The following CACNA1D variants were observed in gnomAD, a reference collection of about 807,000 sequenced individuals.
CACNA1D encodes calcium voltage-gated channel subunit alpha1 D, also known as voltage-dependent L-type calcium channel subunit alpha-1D.
A neutral mutation model predicts 257.1 loss-of-function variants in CACNA1D; 55 were observed. That is an observed-to-expected ratio of 0.21 (90% CI 0.17 to 0.27). The LOEUF is 0.27. Among genes scored for constraint, CACNA1D ranks in the 10% least tolerant of loss-of-function variants. The pLI is 1.00. For missense variants in CACNA1D, 1,876 were observed against 2,784.0 expected, an observed-to-expected ratio of 0.67 and a Z score of 7.34; for synonymous variants, 980 against 1,014.9, an observed-to-expected ratio of 0.97 and a Z score of 0.65.
chr3:53,649,504 AT>A (rs1461897144), intron 3 of CACNA1D, among the ~76,000 whole-genome samples: 1 of 152,034 alleles, frequency 6.6e-6, no homozygotes, highest in African/African-American at 2.4e-5. Flanking sequence ...CTGTGTGTAC[AT>A]TCAAAACTTC....
At position 53,723,854 on chromosome 3, in the gene CACNA1D, C is replaced by G. The variant is rs777591848; in HGVS notation, c.1955C>G (p.Ser652Trp). The G allele has an allele frequency of 2.5e-6, 4 of 1,614,050 alleles. No homozygotes were observed. ...TTAAACTCCATGAAGTCCATCGCTT[C>G]GCTGTTGCTTCTGCTTTTTCTCTTC... ...SLLNSMKSIA[S>W]LLLLLFLFII... The change falls in exon 14 of 48, where the codon TCG becomes TGG. Residue 652 changes from serine (S) to tryptophan (W), a missense_variant. Around this residue, in one of 10 missense-constraint regions of CACNA1D, gnomAD observed 257 missense variants for 399.7 expected, o/e 0.64. Transcript: ENST00000350061. This position sits in a 1 kb window ranked among gnomAD's most constrained non-coding sequence, Gnocchi z 5.6.
chr3:53,678,043 C>T (rs567226035), intron 8 of CACNA1D, among the ~76,000 whole-genome samples: 10 of 152,136 alleles, frequency 6.6e-5, no homozygotes, highest in African/African-American at 2.4e-4. Context: ...AGAAAAGAAT[C>T]GAATCAATTC....
At chr3:53,513,032 C>T (rs994413323) in intron 3 of CACNA1D, among the ~76,000 whole-genome samples, 7 of 152,326 alleles carry the variant, frequency 4.6e-5, no homozygotes, top group Middle Eastern at 3.4e-3. Context: ...AGGAGAGAAT[C>T]AGCAGAGCTG....
At chr3:53,700,398 A>C (rs2094611901) in intron 8 of CACNA1D, among the ~76,000 whole-genome samples, 1 of 152,164 alleles carries the variant, frequency 6.6e-6, no homozygotes, top group African/African-American at 2.4e-5. Flanking sequence ...CAGATTATAT[A>C]ATTCATTTTC....
intron 3 of CACNA1D, among the ~76,000 whole-genome samples, chr3:53,630,963 C>T (rs1036660976): frequency 2.0e-5 from 3 of 152,178 alleles, no homozygotes; most frequent in Non-Finnish European, 4.4e-5. Context: ...ATTAAAAATA[C>T]TTTATTACTA....
chr3:53,541,042 G>A (rs188148940), intron 3 of CACNA1D, among the ~76,000 whole-genome samples: 28 of 152,054 alleles, frequency 1.8e-4, no homozygotes, highest in African/African-American at 6.0e-4. Flanking sequence ...GTGCGCGGCC[G>A]GCATGGTATT....
chr3:53,619,267 T>A (rs1242612889), intron 3 of CACNA1D, among the ~76,000 whole-genome samples: 1 of 152,192 alleles, frequency 6.6e-6, no homozygotes, highest in Non-Finnish European at 1.5e-5. Context: ...TTCTCATGCC[T>A]CCTGTCTCCT....
chr3:53,802,054 T>G, intron 42 of CACNA1D, 93 bp from the exon 43 acceptor site: 1 of 1,120,850 alleles, frequency 8.9e-7, no homozygotes, highest in South Asian at 1.2e-5. Flanking sequence ...TAACCCCTAC[T>G]CTAGGAGGTA....
rs568967070 is a variant in CACNA1D at position 53,689,765 on chromosome 3, C to A, written c.1221-12876C>A. Among the ~76,000 whole-genome samples the A allele has an allele frequency of 3.3e-5, 5 of 152,234 alleles. No individual in the cohort carries two copies. The South Asian group carries it at 1.0e-3, about 32-fold the overall frequency. ...CCTCAAATTTCTGGGCTCAAGCAATCCTCCCACTTCACCCTCCCAAGTAGC... is the reference window on the plus strand; with the variant it reads ...CCTCAAATTTCTGGGCTCAAGCAATACTCCCACTTCACCCTCCCAAGTAGC... On this transcript the variant is annotated intron_variant, in intron 8 of 47. Transcript: ENST00000350061.
chr3:53,536,531 G>T (rs1237373747), intron 3 of CACNA1D, among the ~76,000 whole-genome samples: 1 of 152,212 alleles, frequency 6.6e-6, no homozygotes, highest in East Asian at 1.9e-4. Context: ...CCAAACTAGG[G>T]GATCCAAGTG....
Position 53,749,521 on chromosome 3 carries a change from C to T in CACNA1D, c.3516+52C>T, listed in dbSNP as rs1382730329. ...CTGTCCCTTGGTCAGGAGCGGAGTGCCTTCTTTATTGACTGATTTCCCCCA... is the reference window on the plus strand; with the variant it reads ...CTGTCCCTTGGTCAGGAGCGGAGTGTCTTCTTTATTGACTGATTTCCCCCA... On this transcript the variant is annotated intron_variant, in intron 27 of 47. Transcript: ENST00000350061. 4.7e-6 allele frequency: 6 copies of T among 1,289,716 alleles called. No individual in the cohort carries two copies. In the East Asian group the frequency reaches 9.2e-5, roughly 20 times the overall value. The allele number at this position is 1,289,716 out of a possible 1,614,324, so 79.9% of individuals were successfully genotyped here.
At chr3:53,797,073 A>G (rs539830145) in intron 40 of CACNA1D, among the ~76,000 whole-genome samples, 2 of 152,362 alleles carry the variant, frequency 1.3e-5, no homozygotes, top group African/African-American at 4.8e-5. Context: ...ATCCCAAGAA[A>G]AAAAATGTTC....
intron 3 of CACNA1D, among the ~76,000 whole-genome samples, chr3:53,633,050 A>C (rs2093840157): frequency 6.6e-6 from 1 of 152,254 alleles, no homozygotes; most frequent in Non-Finnish European, 1.5e-5. Context: ...AGTTTACAAA[A>C]AATTGCATTG....
At chr3:53,764,826 GC>G (rs2095323560) in intron 30 of CACNA1D, among the ~76,000 whole-genome samples, 1 of 152,180 alleles carries the variant, frequency 6.6e-6, no homozygotes, top group African/African-American at 2.4e-5. Flanking sequence ...CTTTCAGGGG[GC>G]CCCTTCTTGG....
chr3:53,716,908 T>C (rs909923954), intron 9 of CACNA1D, among the ~76,000 whole-genome samples: 1 of 152,198 alleles, frequency 6.6e-6, no homozygotes, highest in Non-Finnish European at 1.5e-5. Context: ...ATCCCTGCTG[T>C]TACCTTTATG....
At chr3:53,531,129 G>C (rs776895363) in intron 3 of CACNA1D, among the ~76,000 whole-genome samples, 1 of 151,440 alleles carries the variant, frequency 6.6e-6, no homozygotes, top group Non-Finnish European at 1.5e-5. Context: ...TGGGATTATA[G>C]GCATGAGCCA....
In CACNA1D at chr3:53,723,953, G is replaced by T. The variant is rs757933439; in HGVS notation, c.2054G>T (p.Arg685Leu). 6.2e-7 allele frequency: 1 copy of T among 1,614,142 alleles called. No homozygotes were observed. The highest frequency in any genetic ancestry group is 8.5e-7 in the Non-Finnish European group (1 of 1,180,040). The change falls in exon 14 of 48, where the codon CGG becomes CTG. Residue 685 changes from arginine to leucine, a missense_variant. Arg to Leu is a moderately radical substitution (Grantham distance 102, BLOSUM62 -2). Around this residue, in one of 10 missense-constraint regions of CACNA1D, gnomAD observed 257 missense variants for 399.7 expected, o/e 0.64. Transcript: ENST00000350061. This position sits in a 1 kb window ranked among gnomAD's most constrained non-coding sequence, Gnocchi z 5.6. The part of the protein sequence containing the change: ...KFNFDETQTK[R>L]STFDNFPQAL... ...AATTTTGATGAAACGCAAACCAAGC[G>T]GAGCACCTTTGACAATTTCCCTCAA... is the stretch of plus-strand genomic sequence containing the variant.
At chr3:53,697,370 A>G (rs1200776731) in intron 8 of CACNA1D, among the ~76,000 whole-genome samples, 3 of 152,188 alleles carry the variant, frequency 2.0e-5, no homozygotes, top group Admixed American at 1.3e-4. Context: ...GCCTTCCTGC[A>G]TGCCTATATG....
chr3:53,718,739 G>C lies in CACNA1D; in HGVS notation c.1478+351G>C, dbSNP rs1350533745. ...CGGGGCCCTCTGGGTGTCGGCGGTG[G>C]GGGTAAAGGCCTGATTCTCCTTCCA... On this transcript the variant is annotated intron_variant, in intron 10 of 47. Transcript: ENST00000350061. 3 of 1,553,812 alleles carry C rather than the reference G, an allele frequency of 1.9e-6. No homozygotes were observed. Among genetic ancestry groups the C allele is most frequent in the Non-Finnish European group, 1.7e-6 (2 of 1,149,210 alleles).
Sources: gnomAD v4.1 joint callset for allele counts (sites outside exome capture counted in the v4.1 genomes callset) on GRCh38, gnomAD v4.1.1 for gene constraint, gnomAD v4.1.1 regional missense constraint, Gnocchi (gnomAD v3.1) non-coding constraint, MANE v1.5 for transcripts, NCBI Gene and HGNC (gene_info 2026-07-23, HGNC 2026-07-21) for gene names.